The following MAP2K4 variants were observed in gnomAD, a reference collection of about 807,000 sequenced individuals.
MAP2K4 encodes mitogen-activated protein kinase kinase 4.
In MAP2K4, 4 loss-of-function variants were observed where a neutral mutation model predicts 48.5. The ratio of observed to expected loss-of-function variants is 0.08; its 90% confidence interval spans 0.04 to 0.19. The LOEUF is 0.19. Ranked by LOEUF, MAP2K4 falls within the 10% of genes least tolerant of loss-of-function variation. The pLI is 1.00. For missense variants in MAP2K4, 258 were observed against 493.3 expected (o/e 0.52, Z 4.52); for synonymous variants, 166 against 173.1 (o/e 0.96, Z 0.32).
Position 12,034,661 on chromosome 17 carries a change from A to G in MAP2K4, c.115+13660A>G, listed in dbSNP as rs1000902432. On this transcript the variant is annotated intron_variant, in intron 1 of 10. Transcript: ENST00000353533. ...TAGCAAGCTCATAGTTTAGTGGACT[A>G]GAGTTGATCCTACATTGATTACATA... Among the ~76,000 whole-genome samples the G allele has an allele frequency of 2.6e-5, 4 of 152,250 alleles. No homozygotes were observed. The East Asian group carries it at 5.8e-4, about 22-fold the overall frequency.
rs577475407 is a variant in MAP2K4, at chr17:12,040,388, C to T, written c.116-14501C>T. ...ATATGAAAGTGTATTTATATGCACA[C>T]ATATGATATACAAACATTTATTGGG... On this transcript the variant is annotated intron_variant, in intron 1 of 10. Transcript: ENST00000353533. Among the ~76,000 whole-genome samples the T allele has an allele frequency of 2.4e-4, 36 of 152,244 alleles. No individual in the cohort carries two copies. The South Asian group carries it at 7.3e-3, about 31-fold the overall frequency.
rs750261830 is a variant in MAP2K4 at position 12,081,365 on chromosome 17, G to A, written c.228G>A (p.Leu76=). The A allele has an allele frequency of 3.0e-5, 49 of 1,608,310 alleles. No individual in the cohort carries two copies. The highest frequency in any genetic ancestry group is 4.2e-5 in the Non-Finnish European group (49 of 1,178,572). Residue 76 remains leucine, a synonymous_variant, in exon 3 of 11, where the codon CTG becomes CTA. Coordinates refer to ENST00000353533, the MANE Select transcript of MAP2K4 (RefSeq NM_003010.4). The surrounding 1 kb of genome is among the most constrained non-coding windows in gnomAD (Gnocchi z 4.2). The part of the protein sequence containing the change: ...TGVQNPHIER[L]RTHSIESSGK... ...CCCAATATTTTAACAGAGAGAGACT[G>A]AGAACACACAGCATTGAGTCATCAG...
intron 1 of MAP2K4, among the ~76,000 whole-genome samples, chr17:12,022,684 C>T (rs1212525308): frequency 6.6e-6 from 1 of 152,122 alleles, no homozygotes; most frequent in Non-Finnish European, 1.5e-5. Context: ...GAGAATTGAA[C>T]ATCTCTAACT....
At chr17:12,069,126 G>T (rs1220031070) in intron 2 of MAP2K4, among the ~76,000 whole-genome samples, 2 of 152,168 alleles carry the variant, frequency 1.3e-5, no homozygotes, top group Non-Finnish European at 2.9e-5. Flanking sequence ...AGGAATTGTG[G>T]TTGGCTATGT....
At chr17:12,035,958 A>G (rs1969582893) in intron 1 of MAP2K4, among the ~76,000 whole-genome samples, 1 of 152,260 alleles carries the variant, frequency 6.6e-6, no homozygotes, top group South Asian at 2.1e-4. Context: ...GTTACAAGTC[A>G]GTGGAGTTTT....
At chr17:12,044,450 A>G (rs1421059544) in intron 1 of MAP2K4, among the ~76,000 whole-genome samples, 1 of 152,252 alleles carries the variant, frequency 6.6e-6, no homozygotes, top group African/African-American at 2.4e-5. Context: ...ACTTATGACC[A>G]GTCTGGCTTT....
At chr17:12,031,874 ACT>A (rs1005810091) in intron 1 of MAP2K4, among the ~76,000 whole-genome samples, 3 of 152,152 alleles carry the variant, frequency 2.0e-5, no homozygotes, top group Non-Finnish European at 4.4e-5. Context: ...ATCATGGGTA[ACT>A]CTAAATCAGT....
At chr17:12,048,998 C>T (rs17541952) in intron 1 of MAP2K4, among the ~76,000 whole-genome samples, 25,455 of 152,078 alleles carry the variant, frequency 0.17, 2,507 homozygotes, top group South Asian at 0.3. Context: ...TATTAGGTCT[C>T]TCATTACCGT....
chr17:12,141,698 T>C lies in MAP2K4; in HGVS notation c.*438T>C, dbSNP rs1160822984. The stretch of plus-strand genomic sequence containing the variant: ...AAACTCGGGCTTGAGTGAGAAGAGC[T>C]TGCACAGCCAACGAGACACATTGCC... On this transcript the variant is annotated 3_prime_UTR_variant, in exon 11 of 11. Transcript: ENST00000353533. The C allele has an allele frequency of 3.3e-5, 8 of 240,944 alleles. No individual in the cohort carries two copies. Among genetic ancestry groups the C allele is most frequent in the Non-Finnish European group, 6.5e-5 (8 of 122,814 alleles). 14.9% of individuals were successfully genotyped at this position (240,944 alleles called of 1,614,324 possible). A position where few individuals can be genotyped will look rare whatever the true frequency, so the allele number is the denominator to read the frequency against.
At chr17:12,059,551 AAC>A (rs994427248) in intron 2 of MAP2K4, among the ~76,000 whole-genome samples, 1 of 152,234 alleles carries the variant, frequency 6.6e-6, no homozygotes, top group Non-Finnish European at 1.5e-5. Flanking sequence ...CTTAAAAGTT[AAC>A]ACTGGAAATA....
At chr17:12,058,714 C>G (rs987678648) in intron 2 of MAP2K4, among the ~76,000 whole-genome samples, 5 of 152,228 alleles carry the variant, frequency 3.3e-5, no homozygotes, top group Non-Finnish European at 4.4e-5. Flanking sequence ...ATGCAATCTA[C>G]AAATATTTTA....
chr17:12,064,146 T>A (rs1970541204), intron 2 of MAP2K4, among the ~76,000 whole-genome samples: 1 of 152,162 alleles, frequency 6.6e-6, no homozygotes, highest in Non-Finnish European at 1.5e-5. Flanking sequence ...TTTACTTTTT[T>A]GTTTTTGAGA....
intron 7 of MAP2K4, among the ~76,000 whole-genome samples, chr17:12,116,720 A>G (rs1032125208): frequency 6.6e-6 from 1 of 152,192 alleles, no homozygotes; most frequent in African/African-American, 2.4e-5. Context: ...CCCCACTGGA[A>G]GGTCCTCAGG....
At chr17:12,108,176 C>G (rs557206838) in intron 5 of MAP2K4, among the ~76,000 whole-genome samples, 1 of 152,212 alleles carries the variant, frequency 6.6e-6, no homozygotes, top group East Asian at 1.9e-4. Context: ...AAGCAATTTT[C>G]TGTTCATTTT....
intron 4 of MAP2K4, among the ~76,000 whole-genome samples, chr17:12,101,901 T>C (rs1971950343): frequency 6.6e-6 from 1 of 152,168 alleles, no homozygotes; most frequent in Non-Finnish European, 1.5e-5. Flanking sequence ...CCAGTAGCTT[T>C]TTTTACCTGC....
rs1049001581 is a variant in MAP2K4 at position 12,143,301 on chromosome 17, G to A, written c.*2041G>A. ...TGACTGTCCAGGAGCTAATCTGACCGTTCTATTGTGTGGATGACCACATAA... is the reference window on the plus strand; with the variant it reads ...TGACTGTCCAGGAGCTAATCTGACCATTCTATTGTGTGGATGACCACATAA... On this transcript the variant is annotated 3_prime_UTR_variant, in exon 11 of 11. Transcript: ENST00000353533. The A allele has an allele frequency of 2.1e-5, 5 of 232,610 alleles. No individual in the cohort carries two copies. Among genetic ancestry groups the A allele is most frequent in the East Asian group, 6.1e-5 (1 of 16,460 alleles). The allele number at this position is 232,610 out of a possible 1,614,324, so 14.4% of individuals were successfully genotyped here.
intron 1 of MAP2K4, chr17:12,021,516 A>G (rs927315093): frequency 6.0e-5 from 9 of 150,876 alleles, no homozygotes; most frequent in Admixed American, 4.0e-4. Flanking sequence ...GTCGCCGGGC[A>G]CAGCTGGAGC....
intron 9 of MAP2K4, among the ~76,000 whole-genome samples, chr17:12,135,399 T>G (rs960208258): frequency 6.6e-6 from 1 of 151,948 alleles, no homozygotes; most frequent in African/African-American, 2.4e-5. Context: ...GGCTAATTTC[T>G]TAAAAAAATT....
intron 1 of MAP2K4, among the ~76,000 whole-genome samples, chr17:12,028,887 T>C (rs973723091): frequency 3.9e-5 from 6 of 152,154 alleles, no homozygotes; most frequent in African/African-American, 1.4e-4. Flanking sequence ...CAAGCAAAAT[T>C]AGATTTAGGC....
Sources: gnomAD v4.1 joint callset for allele counts (sites outside exome capture counted in the v4.1 genomes callset) on GRCh38, gnomAD v4.1.1 for gene constraint, Gnocchi (gnomAD v3.1) non-coding constraint, MANE v1.5 for transcripts, NCBI Gene and HGNC (gene_info 2026-07-23, HGNC 2026-07-21) for gene names.